The following PTPRR variants were observed in gnomAD, a reference collection of about 807,000 sequenced individuals.
PTPRR encodes the protein protein tyrosine phosphatase receptor type R, also known as receptor-type tyrosine-protein phosphatase R.
In PTPRR, 38 loss-of-function variants were observed where a neutral mutation model predicts 77.2. That is an observed-to-expected ratio of 0.49 (90% CI 0.38 to 0.65). PTPRR has a LOEUF of 0.65. Among genes scored for constraint, PTPRR ranks in the 30% least tolerant of loss-of-function variants. The pLI is 0.00. For synonymous variants in PTPRR, 299 were observed against 283.1 expected, an observed-to-expected ratio of 1.06 and a Z score of -0.57; for missense variants, 744 against 799.2, an observed-to-expected ratio of 0.93 and a Z score of 0.83.
At chr12:70,920,307 C>T (rs367965931) in intron 1 of PTPRR, 26 bp downstream of exon 1, 24 of 1,608,030 alleles carry the variant, frequency 1.5e-5, no homozygotes, top group Non-Finnish European at 1.7e-5. Flanking sequence ...TGCACAGCTC[C>T]GGCTCTAAGC....
intron 1 of PTPRR, among the ~76,000 whole-genome samples, chr12:70,907,338 T>C (rs917535799): frequency 6.6e-6 from 1 of 152,214 alleles, no homozygotes; most frequent in Admixed American, 6.5e-5. Flanking sequence ...CACATGTTTT[T>C]TCACATTTCC....
chr12:70,887,847 G>A (rs1893267530), intron 2 of PTPRR, among the ~76,000 whole-genome samples: 1 of 152,066 alleles, frequency 6.6e-6, no homozygotes, highest in African/African-American at 2.4e-5. Flanking sequence ...GTATCCTCCA[G>A]AATGCTTCCT....
At chr12:70,789,563 TTATGATTGAACC>T (rs1175051039) in intron 2 of PTPRR, among the ~76,000 whole-genome samples, 3 of 152,106 alleles carry the variant, frequency 2.0e-5, no homozygotes, top group Non-Finnish European at 4.4e-5. Context: ...ATGCATACCA[TTATGATTGAACC>T]CTGAGGGATT....
At chr12:70,747,199 T>C (rs1364473660) in intron 5 of PTPRR, among the ~76,000 whole-genome samples, 1 of 152,184 alleles carries the variant, frequency 6.6e-6, no homozygotes, top group East Asian at 1.9e-4. Flanking sequence ...TTCCATGACC[T>C]TCACGGTGTA....
At chr12:70,702,520 C>T (rs568543851) in intron 6 of PTPRR, among the ~76,000 whole-genome samples, 24 of 152,080 alleles carry the variant, frequency 1.6e-4, no homozygotes, top group South Asian at 2.1e-4. Flanking sequence ...CTCTGGAATG[C>T]GACATTAAGA....
At chr12:70,890,826 C>A (rs1293885222) in intron 2 of PTPRR, among the ~76,000 whole-genome samples, 1 of 152,064 alleles carries the variant, frequency 6.6e-6, no homozygotes, top group Non-Finnish European at 1.5e-5. Context: ...CAGAATATAT[C>A]CCTTGCTTCC....
chr12:70,669,433 T>TA (rs1301429302), intron 10 of PTPRR, among the ~76,000 whole-genome samples: 1 of 146,266 alleles, frequency 6.8e-6, no homozygotes, highest in East Asian at 2.1e-4. Flanking sequence ...CCAAAGCTAT[T>TA]TTATATATAT....
At chr12:70,827,387 G>A (rs1892129644) in intron 2 of PTPRR, among the ~76,000 whole-genome samples, 1 of 152,094 alleles carries the variant, frequency 6.6e-6, no homozygotes, top group African/African-American at 2.4e-5. Flanking sequence ...TCAGAGTTCT[G>A]GAAGCTGGAA....
At chr12:70,884,867 G>A (rs1459552274) in intron 2 of PTPRR, among the ~76,000 whole-genome samples, 9 of 59,408 alleles carry the variant, frequency 1.5e-4, no homozygotes, top group Non-Finnish European at 2.1e-4. Flanking sequence ...GCAAAACTCT[G>A]TCTCAAAAAA....
chr12:70,670,856 A>C (rs542960313), intron 10 of PTPRR, among the ~76,000 whole-genome samples: 2 of 152,222 alleles, frequency 1.3e-5, no homozygotes, highest in African/African-American at 4.8e-5. Context: ...AAGGAACTCA[A>C]ACTTACCAGC....
At chr12:70,903,401 C>A (rs1197962117) in intron 1 of PTPRR, among the ~76,000 whole-genome samples, 1 of 151,400 alleles carries the variant, frequency 6.6e-6, no homozygotes, top group Non-Finnish European at 1.5e-5. Context: ...TAATGTAAAT[C>A]AAAAATAAAA....
At chr12:70,752,418 GC>G (rs550608986) in intron 5 of PTPRR, among the ~76,000 whole-genome samples, 108 of 152,266 alleles carry the variant, frequency 7.1e-4, no homozygotes, top group African/African-American at 2.5e-3. Flanking sequence ...TCATCCTCTG[GC>G]CCCAAGTGGT....
At chr12:70,897,962 T>G (rs1290030032) in intron 1 of PTPRR, among the ~76,000 whole-genome samples, 1 of 125,254 alleles carries the variant, frequency 8.0e-6, no homozygotes, top group African/African-American at 3.1e-5. Flanking sequence ...TGAGAACACA[T>G]GGACACAGGA....
chr12:70,910,798 G>A (rs1893688323), intron 1 of PTPRR, among the ~76,000 whole-genome samples: 1 of 152,184 alleles, frequency 6.6e-6, no homozygotes, highest in Non-Finnish European at 1.5e-5. Context: ...CCAGGCTTGT[G>A]AGGACTCATG....
At chr12:70,805,377 C>T (rs1264413972) in intron 2 of PTPRR, among the ~76,000 whole-genome samples, 1 of 151,898 alleles carries the variant, frequency 6.6e-6, no homozygotes, top group African/African-American at 2.4e-5. Flanking sequence ...CATTCTGTGG[C>T]CCAGGCTGGA....
Position 70,762,938 on chromosome 12 carries a change from G to T in PTPRR, c.472-1312C>A, listed in dbSNP as rs1481114002. On this transcript the variant is annotated intron_variant, in intron 3 of 13. Coordinates refer to ENST00000283228, the MANE Select transcript of PTPRR (RefSeq NM_002849.4). Reference sequence around the variant, plus strand: ...GATAAGCATATTCCTTCCTCAGTCTGGCAAATCCCTCCTTCACCCTTGCAA... The same window carrying T: ...GATAAGCATATTCCTTCCTCAGTCTTGCAAATCCCTCCTTCACCCTTGCAA... Among the ~76,000 whole-genome samples the T allele has an allele frequency of 3.9e-5, 6 of 152,040 alleles. No homozygotes were observed. In the East Asian group the frequency reaches 9.7e-4, roughly 25 times the overall value.
chr12:70,816,544 AT>A (rs1472222346), intron 2 of PTPRR, among the ~76,000 whole-genome samples: 6 of 152,000 alleles, frequency 3.9e-5, no homozygotes, highest in African/African-American at 7.2e-5. Context: ...TTAAAATTTT[AT>A]TTTTGGTAAG....
intron 3 of PTPRR, among the ~76,000 whole-genome samples, chr12:70,763,843 C>CT (rs199858347): frequency 2.6e-5 from 4 of 151,184 alleles, no homozygotes; most frequent in Admixed American, 6.6e-5. Flanking sequence ...TCTGAATTTA[C>CT]TTTTTTTTTG....
intron 6 of PTPRR, among the ~76,000 whole-genome samples, chr12:70,721,435 A>G (rs1271935960): frequency 1.3e-5 from 2 of 152,218 alleles, no homozygotes; most frequent in African/African-American, 4.8e-5. Context: ...AGGTGGAAAG[A>G]AGAGCAGGCA....
Sources: allele counts gnomAD v4.1 joint callset (sites outside exome capture counted in the v4.1 genomes callset), GRCh38; gene constraint gnomAD v4.1.1; transcripts MANE v1.5; gene names NCBI Gene and HGNC (gene_info 2026-07-23, HGNC 2026-07-21).